The following ROBO1 variants were observed in gnomAD, a reference collection of about 807,000 sequenced individuals.
ROBO1 encodes roundabout homolog 1.
A neutral mutation model predicts 195.9 loss-of-function variants in ROBO1; 149 were observed. That is an observed-to-expected ratio of 0.76 (90% CI 0.67 to 0.87). The LOEUF is 0.87. Among genes scored for constraint, ROBO1 ranks in the 40% least tolerant of loss-of-function variants. ROBO1 has a pLI of 0.00. For missense variants in ROBO1, 1,933 were observed against 2,068.3 expected (o/e 0.93, Z 1.27); for synonymous variants, 816 against 733.2 (o/e 1.11, Z -1.82).
chr3:78,999,344 A>G (rs2077442207), intron 3 of ROBO1, among the ~76,000 whole-genome samples: 1 of 152,170 alleles, frequency 6.6e-6, no homozygotes, highest in Admixed American at 6.6e-5. Flanking sequence ...AAAATGTGAC[A>G]TGGAATACTA....
At chr3:79,015,413 C>T (rs1347503876) in intron 3 of ROBO1, among the ~76,000 whole-genome samples, 2 of 119,146 alleles carry the variant, frequency 1.7e-5, no homozygotes, top group Non-Finnish European at 3.3e-5. Flanking sequence ...AAAGAAAGTA[C>T]CAGTAAACTA....
intron 4 of ROBO1, among the ~76,000 whole-genome samples, chr3:78,785,647 C>T (rs567635599): frequency 6.6e-6 from 1 of 152,188 alleles, no homozygotes; most frequent in East Asian, 1.9e-4. Context: ...TAGTACCTTC[C>T]CTCTTACATG....
At chr3:78,734,777 A>C (rs2082358296) in intron 5 of ROBO1, among the ~76,000 whole-genome samples, 1 of 152,176 alleles carries the variant, frequency 6.6e-6, no homozygotes, top group Non-Finnish European at 1.5e-5. Context: ...GAAACTTGAA[A>C]ATATATAGTA....
At chr3:78,952,796 C>T (rs1485287689) in intron 3 of ROBO1, among the ~76,000 whole-genome samples, 2 of 151,954 alleles carry the variant, frequency 1.3e-5, no homozygotes, top group Non-Finnish European at 2.9e-5. Context: ...TACATAATGC[C>T]ATTTCGCTCA....
chr3:78,723,231 G>C (rs1228192778), intron 5 of ROBO1, among the ~76,000 whole-genome samples: 4 of 152,036 alleles, frequency 2.6e-5, no homozygotes, highest in African/African-American at 9.7e-5. Context: ...AAAACTTGCC[G>C]TTGTGTTAGA....
At chr3:79,753,975 AG>A (rs761236748) in intron 1 of ROBO1, among the ~76,000 whole-genome samples, 6 of 152,230 alleles carry the variant, frequency 3.9e-5, no homozygotes, top group Non-Finnish European at 7.3e-5. Context: ...GGTGAAGAAC[AG>A]GAGACAGCCA....
intron 1 of ROBO1, among the ~76,000 whole-genome samples, chr3:79,633,495 G>T (rs1469251744): frequency 1.3e-5 from 2 of 150,568 alleles, no homozygotes; most frequent in Admixed American, 1.3e-4. Context: ...CTACATATTT[G>T]TTCTTATTTC....
chr3:79,489,651 CAAAAAA>C (rs11328226), intron 2 of ROBO1, among the ~76,000 whole-genome samples: 1 of 88,824 alleles, frequency 1.1e-5, no homozygotes, highest in Non-Finnish European at 2.4e-5. Flanking sequence ...GACTTCATCT[CAAAAAA>C]AAAAAAAAAA....
rs7426404 is a variant in ROBO1 at position 79,622,262 on chromosome 3, C to T, written c.-50-32301G>A. Among the ~76,000 whole-genome samples the T allele has an allele frequency of 3.3e-3, 500 of 152,162 alleles. 2 individuals carry two copies. The highest frequency in any genetic ancestry group is 0.012 in the African/African-American group (479 of 41,518). On this transcript the variant is annotated intron_variant, in intron 1 of 30. Transcript: ENST00000464233. ...AGAGCCTAGTGTCCCAACCCTGGAA[C>T]GCACAAATTCCCAACAGCCTGTCAG...
At chr3:79,023,705 T>G (rs1456053545) in intron 3 of ROBO1, among the ~76,000 whole-genome samples, 5 of 130,472 alleles carry the variant, frequency 3.8e-5, no homozygotes, top group Admixed American at 3.1e-4. Flanking sequence ...AGTTTTTTTT[T>G]TTTTTTTTTT....
chr3:79,388,012 G>C (rs747454135), intron 2 of ROBO1, among the ~76,000 whole-genome samples: 71 of 152,244 alleles, frequency 4.7e-4, no homozygotes, highest in Non-Finnish European at 8.1e-4. Flanking sequence ...GGAGGTGCCT[G>C]ATGCGTATTT....
Position 79,354,542 on chromosome 3 carries a change from G to C in ROBO1, c.89-229003C>G, listed in dbSNP as rs138082916. ...ATAGTCCACATTTTTTGCTCTGCAA[G>C]TATACAGCTGAGTACCTCTGGATTA... On this transcript the variant is annotated intron_variant, in intron 2 of 30. Coordinates refer to ENST00000464233, the MANE Select transcript of ROBO1 (RefSeq NM_002941.4). 2.6e-5 allele frequency among the ~76,000 whole-genome samples: 4 copies of C among 152,248 alleles called. No individual in the cohort carries two copies. The East Asian group carries it at 7.7e-4, about 29-fold the overall frequency.
chr3:78,834,694 C>T (rs1402693562), intron 4 of ROBO1, among the ~76,000 whole-genome samples: 1 of 151,956 alleles, frequency 6.6e-6, no homozygotes, highest in African/African-American at 2.4e-5. Flanking sequence ...CTTCTTTATC[C>T]GGCCTTGAGT....
At chr3:79,709,206 A>G (rs1702178775) in intron 1 of ROBO1, among the ~76,000 whole-genome samples, 1 of 152,188 alleles carries the variant, frequency 6.6e-6, no homozygotes, top group Admixed American at 6.5e-5. Flanking sequence ...GTCAATATGT[A>G]TCCTACATAA....
chr3:79,541,811 A>ATG (rs759471208), intron 2 of ROBO1, among the ~76,000 whole-genome samples: 1,862 of 147,016 alleles, frequency 0.013, 18 homozygotes, highest in South Asian at 0.039. Flanking sequence ...GTGTATATAT[A>ATG]TGTGTGTGTG....
intron 1 of ROBO1, among the ~76,000 whole-genome samples, chr3:79,694,698 A>T (rs1947390793): frequency 6.6e-6 from 1 of 151,820 alleles, no homozygotes; most frequent in Non-Finnish European, 1.5e-5. Flanking sequence ...TTTTAAAGCC[A>T]TGTTCATTTA....
chr3:79,471,539 G>C (rs1261882601), intron 2 of ROBO1, among the ~76,000 whole-genome samples: 1 of 151,998 alleles, frequency 6.6e-6, no homozygotes, highest in African/African-American at 2.4e-5. Flanking sequence ...CATTAGTGGT[G>C]CTTTGTTAAA....
intron 4 of ROBO1, among the ~76,000 whole-genome samples, chr3:78,786,332 T>C (rs758219336): frequency 6.6e-6 from 1 of 152,242 alleles, no homozygotes; most frequent in Non-Finnish European, 1.5e-5. Context: ...AAGTGCTTTA[T>C]AAAACAAGTT....
At chr3:79,470,387 A>C (rs904170006) in intron 2 of ROBO1, among the ~76,000 whole-genome samples, 10 of 152,202 alleles carry the variant, frequency 6.6e-5, no homozygotes, top group Admixed American at 3.9e-4. Flanking sequence ...AGGAAAGGGA[A>C]CATCACATAC....
Sources: allele counts gnomAD v4.1 joint callset (sites outside exome capture counted in the v4.1 genomes callset), GRCh38; gene constraint gnomAD v4.1.1; transcripts MANE v1.5; gene names NCBI Gene and HGNC (gene_info 2026-07-23, HGNC 2026-07-21).